CIT: variants seen among roughly 807,000 people sequenced by gnomAD.
CIT encodes citron Rho-interacting kinase.
CIT carries 79 observed loss-of-function variants against 272.7 expected under a neutral mutation model. The ratio of observed to expected loss-of-function variants is 0.29; its 90% CI spans 0.24 to 0.35. CIT has a LOEUF of 0.35. Among genes scored for constraint, CIT ranks in the 10% least tolerant of loss-of-function variants. The pLI is 1.00. For missense variants in CIT, 1,909 were observed against 2,618.3 expected (o/e 0.73, Z 5.91); for synonymous variants, 948 against 995.6 (o/e 0.95, Z 0.90).
At chr12:119,752,758 T>G (rs76117812) in intron 22 of CIT, among the ~76,000 whole-genome samples, 1,817 of 152,378 alleles carry the variant, frequency 0.012, 19 homozygotes, top group Non-Finnish European at 0.018. Context: ...TCCCTCCATC[T>G]GCTCATCCAT....
chr12:119,767,278 C>G, intron 18 of CIT, 96 bp from the exon 19 acceptor site: 1 of 921,840 alleles, frequency 1.1e-6, no homozygotes, highest in Non-Finnish European at 1.7e-6. Flanking sequence ...GGTACAGGTA[C>G]CACAGGTAAC....
Position 119,713,814 on chromosome 12 carries a change from G to A in CIT, c.4307-166C>T. Reference sequence around the variant, plus strand: ...CTTCCCCTGGTGCCAGGCCCCTGCAGAAAGGGAAAACAAAAGTGCCAAGTG... The same window carrying A: ...CTTCCCCTGGTGCCAGGCCCCTGCAAAAAGGGAAAACAAAAGTGCCAAGTG... On this transcript the variant is annotated intron_variant, in intron 33 of 47. Coordinates refer to ENST00000392521, the MANE Select transcript of CIT (RefSeq NM_001206999.2). This position sits in a 1 kb window ranked among gnomAD's most constrained non-coding sequence, Gnocchi z 5.2. 5 of 714,470 alleles carry A rather than the reference G, an allele frequency of 7.0e-6. 1 individual carries two copies. The South Asian group carries it at 9.3e-5, about 13-fold the overall frequency. The allele number at this position is 714,470 out of a possible 1,614,324, so 44.3% of individuals were successfully genotyped here.
chr12:119,739,557 CCTA>C (rs1461454720), intron 24 of CIT, among the ~76,000 whole-genome samples: 1 of 152,154 alleles, frequency 6.6e-6, no homozygotes, highest in Non-Finnish European at 1.5e-5. Context: ...ATAATTGAGA[CCTA>C]CTATTGTGGC....
intron 39 of CIT, 50 bp from the exon 40 acceptor site, chr12:119,708,368 AGGTACGGGAT>A (rs1253865013): frequency 6.9e-7 from 1 of 1,452,722 alleles, no homozygotes; most frequent in Non-Finnish European, 9.1e-7. Flanking sequence ...CGTTAAGTAA[AGGTACGGGAT>A]GGTGGTTCTA....
intron 47 of CIT, among the ~76,000 whole-genome samples, 168 bp from the exon 48 acceptor site, chr12:119,688,423 G>A (rs1050076353): frequency 1.3e-5 from 2 of 152,286 alleles, no homozygotes; most frequent in Non-Finnish European, 2.9e-5. Flanking sequence ...AAGCCAGGGA[G>A]TGAAACTCAC....
At chr12:119,851,923 C>T (rs563431057) in intron 4 of CIT, among the ~76,000 whole-genome samples, 1 of 152,246 alleles carries the variant, frequency 6.6e-6, no homozygotes, top group South Asian at 2.1e-4. Flanking sequence ...GTCCCAGTTA[C>T]TCAGGAGGCT....
At chr12:119,773,946 G>A (rs1963474015) in intron 16 of CIT, among the ~76,000 whole-genome samples, 2 of 152,124 alleles carry the variant, frequency 1.3e-5, no homozygotes, top group African/African-American at 4.8e-5. Flanking sequence ...TATGCAGTAT[G>A]TCTATAAAAA....
intron 28 of CIT, among the ~76,000 whole-genome samples, chr12:119,725,364 T>C (rs1417092168): frequency 6.6e-6 from 1 of 151,942 alleles, no homozygotes; most frequent in Non-Finnish European, 1.5e-5. Flanking sequence ...AGGTGGAGGT[T>C]GCAGTGAGCC....
At position 119,857,664 on chromosome 12, in the gene CIT, C is replaced by T; in HGVS notation, c.273G>A (p.Gln91=). Residue 91 remains glutamine (Q), a synonymous_variant, in exon 4 of 48, where the codon CAG becomes CAA. Transcript: ENST00000392521. The stretch of plus-strand genomic sequence containing the variant: ...TGACTTCGAAGTCCTTTGCCGAAGG[C>T]TGGAGCTCCTGTAACTCAGCTATGG... ...SDTIAELQEL[Q]PSAKDFEVRS... 1 of 1,614,070 alleles carries T rather than the reference C, an allele frequency of 6.2e-7. No homozygotes were observed.
At chr12:119,861,379 A>G (rs1950332399) in intron 3 of CIT, among the ~76,000 whole-genome samples, 1 of 152,146 alleles carries the variant, frequency 6.6e-6, no homozygotes, top group African/African-American at 2.4e-5. Flanking sequence ...TGAGGTCAAG[A>G]GTTCAAGACC....
At chr12:119,865,362 A>G (rs1370168280) in intron 3 of CIT, among the ~76,000 whole-genome samples, 2 of 152,226 alleles carry the variant, frequency 1.3e-5, no homozygotes, top group Non-Finnish European at 2.9e-5. Context: ...ATAAATTTAA[A>G]TATTCACAAA....
chr12:119,758,593 G>A lies in CIT; in HGVS notation c.2529C>T (p.Asn843=). The A allele has an allele frequency of 1.9e-6, 3 of 1,597,422 alleles. No homozygotes were observed. The highest frequency in any genetic ancestry group is 2.6e-6 in the Non-Finnish European group (3 of 1,164,906). Reference sequence around the variant, plus strand: ...GCAGTTAGAATTTGAATACTTACATGTTCCTTTGGGTAAAAAGACTGCTAT... The same window carrying A: ...GCAGTTAGAATTTGAATACTTACATATTCCTTTGGGTAAAAAGACTGCTAT... ...AANSSLFTQR[N]MKAQEEMISE... Residue 843 remains asparagine, a splice_region_variant and synonymous_variant, in exon 21 of 48, where the codon AAC becomes AAT. Transcript: ENST00000392521.
intron 39 of CIT, among the ~76,000 whole-genome samples, chr12:119,709,560 T>C (rs1195181974): frequency 6.6e-6 from 1 of 152,180 alleles, no homozygotes; most frequent in Admixed American, 6.5e-5. Context: ...GATCCAGCCA[T>C]GCCTGAAACA....
intron 20 of CIT, 101 bp from the exon 21 acceptor site, chr12:119,758,801 G>T (rs750287982): frequency 1.3e-6 from 1 of 791,652 alleles, no homozygotes; most frequent in East Asian, 2.5e-5. Flanking sequence ...CGGCAATTTG[G>T]CTAGAGGTAA....
intron 9 of CIT, among the ~76,000 whole-genome samples, chr12:119,814,038 TG>T (rs1261116639): frequency 2.0e-5 from 3 of 152,200 alleles, no homozygotes; most frequent in Admixed American, 2.0e-4. Flanking sequence ...GGAACTTCCT[TG>T]TTTTTACTTT....
intron 2 of CIT, among the ~76,000 whole-genome samples, chr12:119,875,838 T>A (rs1237750719): frequency 6.6e-6 from 1 of 151,822 alleles, no homozygotes; most frequent in African/African-American, 2.4e-5. Flanking sequence ...AAATACAAAA[T>A]TTAGCCGGGT....
At position 119,768,104 on chromosome 12, in the gene CIT, G is replaced by A. The variant is rs569231050; in HGVS notation, c.2209-922C>T. Among the ~76,000 whole-genome samples, 78 of 151,988 alleles carry A rather than the reference G, an allele frequency of 5.1e-4. No homozygotes were observed. Among genetic ancestry groups the A allele is most frequent in the African/African-American group, 1.9e-3 (78 of 41,456 alleles). On this transcript the variant is annotated intron_variant, in intron 18 of 47. Coordinates refer to ENST00000392521, the MANE Select transcript of CIT (RefSeq NM_001206999.2). The surrounding 1 kb of genome is among the most constrained non-coding windows in gnomAD (Gnocchi z 4.3). ...TTTTTGTATTTTTAGTAGAGGCGAG[G>A]TTTCACCATGTCGGTCAGGCTGGTT...
At chr12:119,754,849 A>G (rs1960732126) in intron 22 of CIT, among the ~76,000 whole-genome samples, 1 of 152,214 alleles carries the variant, frequency 6.6e-6, no homozygotes, top group Non-Finnish European at 1.5e-5. Context: ...CTTCCCTGGG[A>G]CACTTTAATA....
In CIT at chr12:119,718,913, A is replaced by G. The variant is rs1167706425; in HGVS notation, c.3841-52T>C. 1 of 1,586,564 alleles carries G rather than the reference A, an allele frequency of 6.3e-7. No homozygotes were observed. The highest frequency in any genetic ancestry group is 1.7e-5 in the Admixed American group (1 of 59,216). On this transcript the variant is annotated intron_variant, in intron 30 of 47. Transcript: ENST00000392521. This position sits in a 1 kb window ranked among gnomAD's most constrained non-coding sequence, Gnocchi z 4.8. ...TAACTCCTGGAAACTGGCACTTGAA[A>G]CTAGCTAAAGGAAATCTGACTCGGG... is the stretch of plus-strand genomic sequence containing the variant.
Sources: allele counts gnomAD v4.1 joint callset (sites outside exome capture counted in the v4.1 genomes callset), GRCh38; gene constraint gnomAD v4.1.1; non-coding constraint Gnocchi (gnomAD v3.1); transcripts MANE v1.5; gene names NCBI Gene and HGNC (gene_info 2026-07-23, HGNC 2026-07-21).